CACNA1C: variants seen among roughly 807,000 people sequenced by gnomAD.
CACNA1C encodes voltage-dependent L-type calcium channel subunit alpha-1C.
CACNA1C carries 30 observed loss-of-function variants against 229.0 expected under a neutral mutation model. The ratio of observed to expected loss-of-function variants is 0.13; its 90% CI spans 0.10 to 0.18. The LOEUF (loss-of-function observed/expected upper bound fraction) is 0.18. Among genes scored for constraint, CACNA1C ranks in the 10% least tolerant of loss-of-function variants. The pLI is 1.00. For missense variants in CACNA1C, 1,658 were observed against 2,845.0 expected, an observed-to-expected ratio of 0.58 and a Z score of 9.49; for synonymous variants, 1,114 against 1,132.5, an observed-to-expected ratio of 0.98 and a Z score of 0.33.
At chr12:2,278,832 A>T (rs1030701947) in intron 3 of CACNA1C, among the ~76,000 whole-genome samples, 1 of 152,244 alleles carries the variant, frequency 6.6e-6, no homozygotes, top group Admixed American at 6.5e-5. Context: ...TGGTTGTGCC[A>T]TTTTGTGCTG....
At chr12:1,999,568 T>G (rs971046554) in intron 1 of CACNA1C, among the ~76,000 whole-genome samples, 3 of 151,782 alleles carry the variant, frequency 2.0e-5, no homozygotes, top group Admixed American at 6.6e-5. Flanking sequence ...AAAACAAAAA[T>G]TTTTTTAATT....
chr12:2,381,794 T>C (rs902668312), intron 3 of CACNA1C, among the ~76,000 whole-genome samples: 1 of 152,246 alleles, frequency 6.6e-6, no homozygotes, highest in African/African-American at 2.4e-5. Flanking sequence ...GCATTTCTCA[T>C]TTGGAATTTT....
chr12:2,161,946 A>G (rs2095880063), intron 3 of CACNA1C, among the ~76,000 whole-genome samples: 3 of 152,164 alleles, frequency 2.0e-5, no homozygotes, highest in Admixed American at 2.0e-4. Context: ...CCTCCACCAG[A>G]GCTTGGCACT....
chr12:2,474,149 T>C (rs890880179), intron 5 of CACNA1C, among the ~76,000 whole-genome samples: 12 of 152,198 alleles, frequency 7.9e-5, no homozygotes, highest in Non-Finnish European at 1.2e-4. Flanking sequence ...ATAGAGATAT[T>C]TTGAAGTTTT....
At chr12:2,380,047 C>T (rs1028023456) in intron 3 of CACNA1C, among the ~76,000 whole-genome samples, 1 of 133,596 alleles carries the variant, frequency 7.5e-6, no homozygotes, top group African/African-American at 2.8e-5. Context: ...AAAAAAAAGA[C>T]ATAATATTAC....
At chr12:2,009,568 A>G (rs2044033506) in intron 1 of CACNA1C, among the ~76,000 whole-genome samples, 2 of 152,228 alleles carry the variant, frequency 1.3e-5, no homozygotes, top group Middle Eastern at 3.2e-3. Context: ...AGGAGCTTTC[A>G]GGATGCCCCT....
intron 3 of CACNA1C, among the ~76,000 whole-genome samples, chr12:2,145,507 T>C (rs1313740077): frequency 6.6e-6 from 1 of 151,326 alleles, no homozygotes; most frequent in Non-Finnish European, 1.5e-5. Context: ...CGTTTATAGC[T>C]TCAACACGCC....
intron 1 of CACNA1C, chr12:2,004,203 G>T: frequency 6.3e-7 from 1 of 1,575,054 alleles, no homozygotes; most frequent in Non-Finnish European, 8.6e-7. Flanking sequence ...CCCCTCACCG[G>T]GTCCTCAAGT....
At chr12:2,640,128 G>A (rs1420934818) in intron 30 of CACNA1C, among the ~76,000 whole-genome samples, 5 of 152,150 alleles carry the variant, frequency 3.3e-5, no homozygotes, top group East Asian at 1.9e-4. Context: ...ACACATGATC[G>A]GATGAAACCC....
In CACNA1C at chr12:2,611,975, G is replaced by A. The variant is rs760543068; in HGVS notation, c.3790G>A (p.Val1264Met). ...LNMLFTGLFT[V>M]EMILKLIAFK... ...CATGCTCTTCACTGGCCTCTTCACC[G>A]TGGAGATGATCCTGAAGCTCATTGC... Residue 1264 changes from valine (V) to methionine (M), a missense_variant, in exon 29 of 47, where the codon GTG (valine) becomes ATG (methionine). By Grantham distance (21) the Val-to-Met change is conservative. Transcript: ENST00000399655. 30 of 1,612,952 alleles carry A rather than the reference G, an allele frequency of 1.9e-5. No homozygotes were observed. Among genetic ancestry groups the A allele is most frequent in the Admixed American group, 1.8e-4 (11 of 59,994 alleles).
At chr12:2,686,681 A>G (rs1387373980) in intron 45 of CACNA1C, among the ~76,000 whole-genome samples, 1 of 152,248 alleles carries the variant, frequency 6.6e-6, no homozygotes, top group East Asian at 1.9e-4. Flanking sequence ...AAATCCATCC[A>G]GTGACATAAA....
In CACNA1C at chr12:2,504,489, C is replaced by A; in HGVS notation, c.1114-353C>A. The A allele has an allele frequency of 6.2e-7, 1 of 1,612,320 alleles. No individual in the cohort carries two copies. Among genetic ancestry groups the A allele is most frequent in the South Asian group, 1.1e-5 (1 of 90,984 alleles). On this transcript the variant is annotated intron_variant, in intron 7 of 46. Transcript: ENST00000399655. The surrounding 1 kb of genome is among the most constrained non-coding windows in gnomAD (Gnocchi z 6.8). ...CCTGGGTGTATTTTGTCAGTCTGGT[C>A]ATCTTTGGATCCTTTTTCGTTCTAA...
chr12:1,977,520 G>A (rs964268324), intron 1 of CACNA1C, among the ~76,000 whole-genome samples: 4 of 152,168 alleles, frequency 2.6e-5, no homozygotes, highest in Admixed American at 6.6e-5. Flanking sequence ...GAATATAAGT[G>A]ATTTGCGAAT....
At chr12:2,449,623 G>A (rs2099338783) in intron 4 of CACNA1C, among the ~76,000 whole-genome samples, 1 of 152,236 alleles carries the variant, frequency 6.6e-6, no homozygotes, top group African/African-American at 2.4e-5. Flanking sequence ...TCCCCAGAGG[G>A]ACAGGGGCTA....
At position 2,458,120 on chromosome 12, in the gene CACNA1C, G is replaced by GA. The variant is rs143348356; in HGVS notation, c.757+417dup. Among the ~76,000 whole-genome samples the GA allele has an allele frequency of 7.8e-3, 1,181 of 152,306 alleles. 18 individuals carry two copies. Among genetic ancestry groups the GA allele is most frequent in the African/African-American group, 0.027 (1,115 of 41,560 alleles). On this transcript the variant is annotated intron_variant, in intron 5 of 46. Transcript: ENST00000399655. ...CTGTGTTTTTCCAAAGAACAATCAG[G>GA]AAAGCATCAGTGGATGTTCTAAAAG... is the stretch of plus-strand genomic sequence containing the variant.
Position 2,348,940 on chromosome 12 carries a change from G to A in CACNA1C, c.478-100036G>A, listed in dbSNP as rs1434834787. The stretch of plus-strand genomic sequence containing the variant: ...GGAATTCCTCTTAGAGGCAGGCATC[G>A]ACTGGCTAACTGGTATGATACTTTG... On this transcript the variant is annotated intron_variant, in intron 3 of 46. Coordinates refer to ENST00000399655, the MANE Select transcript of CACNA1C (RefSeq NM_000719.7). The surrounding 1 kb of genome is among the most constrained non-coding windows in gnomAD (Gnocchi z 4.7). Among the ~76,000 whole-genome samples the A allele has an allele frequency of 3.3e-5, 5 of 152,150 alleles. No individual in the cohort carries two copies. Among genetic ancestry groups the A allele is most frequent in the South Asian group, 2.1e-4 (1 of 4,824 alleles).
chr12:2,167,918 G>A (rs2096305792), intron 3 of CACNA1C, among the ~76,000 whole-genome samples: 1 of 152,138 alleles, frequency 6.6e-6, no homozygotes, highest in African/African-American at 2.4e-5. Flanking sequence ...TTGCTCTCTA[G>A]TGCATGCAAA....
chr12:2,637,809 G>A (rs1380198730), intron 30 of CACNA1C, among the ~76,000 whole-genome samples: 1 of 152,220 alleles, frequency 6.6e-6, no homozygotes, highest in Non-Finnish European at 1.5e-5. Flanking sequence ...TATTTGGAAA[G>A]AGTCTACATT....
At chr12:2,210,405 A>C (rs2097884058) in intron 3 of CACNA1C, among the ~76,000 whole-genome samples, 2 of 152,242 alleles carry the variant, frequency 1.3e-5, no homozygotes, top group Non-Finnish European at 1.5e-5. Flanking sequence ...TGCTTATCAC[A>C]ATAGCTTTAA....
Sources: allele counts gnomAD v4.1 joint callset (sites outside exome capture counted in the v4.1 genomes callset), GRCh38; gene constraint gnomAD v4.1.1; non-coding constraint Gnocchi (gnomAD v3.1); transcripts MANE v1.5; gene names NCBI Gene and HGNC (gene_info 2026-07-23, HGNC 2026-07-21).